B3GALT1: variants seen among roughly 807,000 people sequenced by gnomAD.
B3GALT1 encodes UDP-Gal:betaGlcNAc beta 1,3-galactosyltransferase, polypeptide 1.
A neutral mutation model predicts 23.2 loss-of-function variants in B3GALT1; 10 were observed. That is an observed-to-expected ratio of 0.43 (90% confidence interval 0.27 to 0.73). The LOEUF (loss-of-function observed/expected upper bound fraction) is 0.73. B3GALT1 is among the 30% of genes least tolerant of loss of function. The probability of loss-of-function intolerance (pLI) is 0.21; values close to 1 mark genes in which losing one functional copy is unlikely to be tolerated. For synonymous variants in B3GALT1, 156 were observed against 141.5 expected, an observed-to-expected ratio of 1.10 and a Z score of -0.73; for missense variants, 299 against 405.4, an observed-to-expected ratio of 0.74 and a Z score of 2.25.
chr2:167,810,702 G>T (rs56391257), intron 3 of B3GALT1, among the ~76,000 whole-genome samples: 3,877 of 151,210 alleles, frequency 0.026, 139 homozygotes, highest in South Asian at 0.068. Flanking sequence ...CCCACTGCAT[G>T]CCCGACACAA....
intron 1 of B3GALT1, among the ~76,000 whole-genome samples, chr2:167,445,277 A>C (rs1291014284): frequency 1.3e-5 from 2 of 152,214 alleles, no homozygotes; most frequent in Non-Finnish European, 2.9e-5. Flanking sequence ...GGAGTGCTTT[A>C]CTTCCACCTA....
At chr2:167,495,821 G>A (rs1279498465) in intron 2 of B3GALT1, among the ~76,000 whole-genome samples, 2 of 152,114 alleles carry the variant, frequency 1.3e-5, no homozygotes, top group Non-Finnish European at 2.9e-5. Flanking sequence ...TGTTTCGTAT[G>A]GTGAAGGGAA....
chr2:167,585,222 C>T (rs1412727699), intron 2 of B3GALT1, among the ~76,000 whole-genome samples: 1 of 152,150 alleles, frequency 6.6e-6, no homozygotes, highest in Non-Finnish European at 1.5e-5. Context: ...AGCTAAAAGG[C>T]TAATCAGAGC....
chr2:167,342,444 G>A (rs1267797316), intron 1 of B3GALT1, among the ~76,000 whole-genome samples: 1 of 151,914 alleles, frequency 6.6e-6, no homozygotes, highest in Non-Finnish European at 1.5e-5. Flanking sequence ...AAAAAAATTA[G>A]CCTGGTGTGG....
intron 2 of B3GALT1, among the ~76,000 whole-genome samples, chr2:167,515,903 A>G (rs1700094369): frequency 6.6e-6 from 1 of 152,074 alleles, no homozygotes; most frequent in Admixed American, 6.6e-5. Flanking sequence ...GTAAAAAACA[A>G]CGTGATTAGG....
intron 3 of B3GALT1, among the ~76,000 whole-genome samples, chr2:167,805,482 T>A (rs936379455): frequency 1.3e-5 from 2 of 152,228 alleles, no homozygotes; most frequent in African/African-American, 4.8e-5. Flanking sequence ...AAGTCTTTAA[T>A]CCATCTTGAA....
intron 3 of B3GALT1, chr2:167,713,843 C>T: frequency 1.3e-6 from 2 of 1,592,730 alleles, no homozygotes; most frequent in Non-Finnish European, 1.7e-6. Flanking sequence ...ATGTGGTGGA[C>T]CTGGGAAATC....
At chr2:167,493,382 T>C (rs1450249132) in intron 2 of B3GALT1, among the ~76,000 whole-genome samples, 1 of 152,200 alleles carries the variant, frequency 6.6e-6, no homozygotes, top group East Asian at 1.9e-4. Context: ...TTTGTGAATA[T>C]ATACAAAGCC....
intron 1 of B3GALT1, among the ~76,000 whole-genome samples, chr2:167,440,767 TTCTTA>T (rs1464315247): frequency 6.6e-6 from 1 of 152,168 alleles, no homozygotes; most frequent in East Asian, 1.9e-4. Context: ...AAATTGACCT[TTCTTA>T]TCTCATAGTT....
At chr2:167,754,528 A>G (rs1489861857) in intron 3 of B3GALT1, among the ~76,000 whole-genome samples, 1 of 152,246 alleles carries the variant, frequency 6.6e-6, no homozygotes, top group Non-Finnish European at 1.5e-5. Flanking sequence ...CTTTTGAATC[A>G]GATTTCACAG....
chr2:167,465,814 A>C (rs916083195), intron 1 of B3GALT1, among the ~76,000 whole-genome samples: 3 of 152,194 alleles, frequency 2.0e-5, no homozygotes, highest in African/African-American at 7.2e-5. Context: ...AAGTGATAAA[A>C]TATAACTTCA....
At chr2:167,407,877 A>C (rs988312306) in intron 1 of B3GALT1, among the ~76,000 whole-genome samples, 6 of 152,110 alleles carry the variant, frequency 3.9e-5, no homozygotes, top group Admixed American at 3.3e-4. Context: ...TGATTACTTC[A>C]CTCCTGAATT....
chr2:167,315,944 T>C (rs779664447), intron 1 of B3GALT1, among the ~76,000 whole-genome samples: 73 of 152,348 alleles, frequency 4.8e-4, no homozygotes, highest in Non-Finnish European at 6.3e-4. Flanking sequence ...CAGATGTTTT[T>C]CAACACTCAG....
chr2:167,661,528 C>A (rs931752915), intron 3 of B3GALT1, among the ~76,000 whole-genome samples: 15 of 152,032 alleles, frequency 9.9e-5, no homozygotes, highest in Non-Finnish European at 1.9e-4. Flanking sequence ...GATACTCTAC[C>A]TAGATGGGAG....
chr2:167,306,375 CAT>C (rs1178534071), intron 1 of B3GALT1, among the ~76,000 whole-genome samples: 7 of 151,918 alleles, frequency 4.6e-5, no homozygotes, highest in Admixed American at 4.6e-4. Context: ...AAAATATACA[CAT>C]ATGAACACTG....
intron 2 of B3GALT1, among the ~76,000 whole-genome samples, chr2:167,542,814 A>G (rs1174743588): frequency 6.9e-6 from 1 of 145,108 alleles, no homozygotes; most frequent in Non-Finnish European, 1.5e-5. Context: ...TTTTTTTTGT[A>G]AGAAGAAAGG....
chr2:167,510,196 G>A (rs919387163), intron 2 of B3GALT1, among the ~76,000 whole-genome samples: 1 of 152,120 alleles, frequency 6.6e-6, no homozygotes, highest in African/African-American at 2.4e-5. Context: ...AAACCATCAG[G>A]TGTAACTCTC....
intron 1 of B3GALT1, among the ~76,000 whole-genome samples, chr2:167,454,359 A>T (rs1699136358): frequency 6.6e-6 from 1 of 152,232 alleles, no homozygotes; most frequent in African/African-American, 2.4e-5. Context: ...GGGAATAGAT[A>T]GCCACTTCTC....
At chr2:167,365,585 TACACACAC>T (rs10683932) in intron 1 of B3GALT1, among the ~76,000 whole-genome samples, 225 of 140,472 alleles carry the variant, frequency 1.6e-3, no homozygotes, top group African/African-American at 4.4e-3. Flanking sequence ...GAGATACAAA[TACACACAC>T]ACACACACAC....
Sources: gnomAD v4.1 joint callset for allele counts (sites outside exome capture counted in the v4.1 genomes callset) on GRCh38, gnomAD v4.1.1 for gene constraint, MANE v1.5 for transcripts, NCBI Gene and HGNC (gene_info 2026-07-23, HGNC 2026-07-21) for gene names.